PDE10A: variants seen among roughly 807,000 people sequenced by gnomAD.
PDE10A encodes the protein phosphodiesterase 10A.
PDE10A carries 39 observed loss-of-function variants against 97.7 expected under a neutral mutation model. The observed-to-expected ratio is 0.40, with a 90% confidence interval of 0.31 to 0.52. The LOEUF (loss-of-function observed/expected upper bound fraction) is 0.52. Ranked by LOEUF, PDE10A falls within the 20% of genes least tolerant of loss-of-function variation. The pLI is 0.56. For synonymous variants in PDE10A, 371 were observed against 376.8 expected (o/e 0.98, Z 0.18); for missense variants, 731 against 1,047.8 (o/e 0.70, Z 4.17).
chr6:165,608,019 AAC>A (rs1258843209), intron 1 of PDE10A, among the ~76,000 whole-genome samples: 2 of 151,426 alleles, frequency 1.3e-5, no homozygotes, highest in Non-Finnish European at 2.9e-5. Flanking sequence ...TTATTCTACG[AAC>A]AGTTATTCTA....
intron 1 of PDE10A, among the ~76,000 whole-genome samples, chr6:165,615,716 C>T (rs569214225): frequency 2.6e-5 from 4 of 152,258 alleles, no homozygotes; most frequent in African/African-American, 9.6e-5. Context: ...TACTCAGTTA[C>T]TACCTAGTTT....
intron 1 of PDE10A, among the ~76,000 whole-genome samples, chr6:165,560,033 G>C (rs1229577351): frequency 6.6e-6 from 1 of 152,080 alleles, no homozygotes; most frequent in Non-Finnish European, 1.5e-5. Context: ...ACTTTTCCCT[G>C]ATATGCACAC....
intron 20 of PDE10A, among the ~76,000 whole-genome samples, chr6:165,338,659 G>A (rs767278578): frequency 6.6e-6 from 1 of 152,156 alleles, no homozygotes; most frequent in Non-Finnish European, 1.5e-5. Flanking sequence ...AAATATCTTT[G>A]TTTAGCCAAT....
chr6:165,585,466 G>A (rs1277463838), intron 1 of PDE10A, among the ~76,000 whole-genome samples: 9 of 152,142 alleles, frequency 5.9e-5, no homozygotes, highest in South Asian at 2.1e-4. Context: ...GGGGACCTAC[G>A]TGCAATCACA....
chr6:165,564,022 G>T (rs2128339543), intron 1 of PDE10A, among the ~76,000 whole-genome samples: 1 of 152,042 alleles, frequency 6.6e-6, no homozygotes, highest in Non-Finnish European at 1.5e-5. Flanking sequence ...TATTCAAAGA[G>T]AATAAACTAT....
At chr6:165,639,246 G>T (rs79688817) in intron 1 of PDE10A, among the ~76,000 whole-genome samples, 2,398 of 152,210 alleles carry the variant, frequency 0.016, 62 homozygotes, top group East Asian at 0.089. Flanking sequence ...ATTCAAACTA[G>T]TCAATATTCA....
chr6:165,448,052 A>G (rs1790999892), intron 5 of PDE10A, among the ~76,000 whole-genome samples: 1 of 152,334 alleles, frequency 6.6e-6, no homozygotes, highest in South Asian at 2.1e-4. Context: ...TCCTAGTAAC[A>G]TTGTATATAA....
At chr6:165,353,261 G>A (rs1417362844) in intron 18 of PDE10A, among the ~76,000 whole-genome samples, 1 of 152,094 alleles carries the variant, frequency 6.6e-6, no homozygotes, top group African/African-American at 2.4e-5. Flanking sequence ...CAGCCATTGT[G>A]GAAAAGAGTC....
chr6:165,799,716 C>T (rs1353100453), intron 1 of PDE10A, among the ~76,000 whole-genome samples: 1 of 152,144 alleles, frequency 6.6e-6, no homozygotes, highest in African/African-American at 2.4e-5. Flanking sequence ...ATTTTTTAGA[C>T]TTATAACAAA....
At chr6:165,680,631 CG>C (rs1444123241) in intron 1 of PDE10A, among the ~76,000 whole-genome samples, 1 of 152,172 alleles carries the variant, frequency 6.6e-6, no homozygotes, top group African/African-American at 2.4e-5. Context: ...CAGCCAGGAG[CG>C]GGGGCTCAGG....
chr6:165,950,914 A>ATT (rs1157833835), intron 1 of PDE10A, among the ~76,000 whole-genome samples: 2 of 152,242 alleles, frequency 1.3e-5, no homozygotes, highest in African/African-American at 4.8e-5. Context: ...TCTCATCCTG[A>ATT]TTTAATAAAG....
intron 1 of PDE10A, among the ~76,000 whole-genome samples, chr6:165,858,942 A>G (rs1780824226): frequency 6.6e-6 from 1 of 152,214 alleles, no homozygotes; most frequent in Non-Finnish European, 1.5e-5. Flanking sequence ...ATGTTTAAAC[A>G]TCACTACTGT....
At position 165,684,456 on chromosome 6, in the gene PDE10A, C is replaced by T. The variant is rs141885041; in HGVS notation, c.-614-140888G>A. Among the ~76,000 whole-genome samples the T allele has an allele frequency of 4.0e-3, 611 of 152,340 alleles. 9 individuals are homozygous for T. Among genetic ancestry groups the T allele is most frequent in the African/African-American group, 0.014 (588 of 41,584 alleles). On this transcript the variant is annotated intron_variant, in intron 1 of 19. Coordinates refer to the PDE10A transcript ENST00000366882. Reference sequence around the variant, plus strand: ...GCCTCAGGTCTCACAATGAAGCCGCCATCTCCTGGGTGGCTCCTTTCCTGT... The same window carrying T: ...GCCTCAGGTCTCACAATGAAGCCGCTATCTCCTGGGTGGCTCCTTTCCTGT...
rs561208627 is a variant in PDE10A, at chr6:165,367,751, G to C, written c.2783+11443C>G. Among the ~76,000 whole-genome samples the C allele has an allele frequency of 1.1e-3, 165 of 151,260 alleles. 2 individuals carry two copies. The highest frequency in any genetic ancestry group is 1.1e-3 in the Non-Finnish European group (75 of 67,898). On this transcript the variant is annotated intron_variant, in intron 18 of 21. Transcript: ENST00000539869. ...CTGCCCACTAAGAACTCTAAGTCCA[G>C]TGAAAATATCTTTAAAAAGCGAAGC...
intron 1 of PDE10A, among the ~76,000 whole-genome samples, chr6:165,829,317 A>G (rs1779845237): frequency 6.6e-6 from 1 of 152,238 alleles, no homozygotes; most frequent in Non-Finnish European, 1.5e-5. Context: ...CCTGGTAACC[A>G]TTAAGGGGCT....
chr6:165,615,133 C>G (rs1787667872), intron 1 of PDE10A, among the ~76,000 whole-genome samples: 1 of 150,962 alleles, frequency 6.6e-6, no homozygotes, highest in South Asian at 2.1e-4. Flanking sequence ...TTGCTTGAAC[C>G]CAGGAGGCGG....
intron 1 of PDE10A, among the ~76,000 whole-genome samples, chr6:165,730,381 T>C (rs1338322798): frequency 6.6e-6 from 1 of 152,128 alleles, no homozygotes; most frequent in Non-Finnish European, 1.5e-5. Flanking sequence ...ATAAATCACG[T>C]CCCCCATCCC....
At chr6:165,354,332 C>T (rs566786482) in intron 18 of PDE10A, among the ~76,000 whole-genome samples, 3 of 152,252 alleles carry the variant, frequency 2.0e-5, no homozygotes, top group Admixed American at 6.5e-5. Context: ...GAATAAAGAA[C>T]AACCAGCAGT....
At chr6:165,500,439 G>A (rs149382861) in intron 2 of PDE10A, among the ~76,000 whole-genome samples, 40 of 152,306 alleles carry the variant, frequency 2.6e-4, no homozygotes, top group African/African-American at 8.7e-4. Context: ...GACCTGTGCT[G>A]TGTTGACTCA....
Sources: allele counts gnomAD v4.1 joint callset (sites outside exome capture counted in the v4.1 genomes callset), GRCh38; gene constraint gnomAD v4.1.1; transcripts MANE v1.5; gene names NCBI Gene and HGNC (gene_info 2026-07-23, HGNC 2026-07-21).